SRPK2: variants seen among roughly 807,000 people sequenced by gnomAD.
SRPK2 encodes SRSF protein kinase 2.
SRPK2 carries 21 observed loss-of-function variants against 90.8 expected under a neutral mutation model. The ratio of observed to expected loss-of-function variants is 0.23; its 90% CI spans 0.16 to 0.33. The LOEUF (loss-of-function observed/expected upper bound fraction) is 0.33, where lower values mean the gene tolerates loss of function less well. SRPK2 is among the 10% of genes least tolerant of loss of function. The pLI is 1.00. For missense variants in SRPK2, 620 were observed against 869.0 expected (o/e 0.71, Z 3.60); for synonymous variants, 288 against 311.1 (o/e 0.93, Z 0.78).
At chr7:105,176,773 G>GTGTA (rs1563038363) in intron 3 of SRPK2, among the ~76,000 whole-genome samples, 1 of 80,114 alleles carries the variant, frequency 1.2e-5, no homozygotes, top group African/African-American at 4.2e-5. Flanking sequence ...GTGTGTGTGT[G>GTGTA]TATATATATA....
intron 2 of SRPK2, among the ~76,000 whole-genome samples, chr7:105,378,471 TG>T (rs996200654): frequency 8.6e-5 from 13 of 151,916 alleles, no homozygotes; most frequent in African/African-American, 3.1e-4. Flanking sequence ...AAGAAACATA[TG>T]AAAAGATGTT....
intron 6 of SRPK2, among the ~76,000 whole-genome samples, chr7:105,164,572 G>C (rs915717488): frequency 6.6e-6 from 1 of 152,200 alleles, no homozygotes; most frequent in Non-Finnish European, 1.5e-5. Flanking sequence ...CTAAATGGCT[G>C]ATATGATTGT....
At chr7:105,146,968 T>C (rs1804720458) in intron 7 of SRPK2, among the ~76,000 whole-genome samples, 1 of 152,196 alleles carries the variant, frequency 6.6e-6, no homozygotes, top group Non-Finnish European at 1.5e-5. Context: ...GTCTTCCACC[T>C]CTGCCACTCC....
At chr7:105,376,858 T>A (rs1585965437) in intron 2 of SRPK2, among the ~76,000 whole-genome samples, 4 of 91,332 alleles carry the variant, frequency 4.4e-5, no homozygotes, top group Admixed American at 2.7e-4. Context: ...CTTTTTTTTT[T>A]AATAAAAAGC....
intron 2 of SRPK2, among the ~76,000 whole-genome samples, chr7:105,272,247 TTGTATTCCCTATGGA>T (rs1230661673): frequency 6.6e-6 from 1 of 152,188 alleles, no homozygotes; most frequent in Admixed American, 6.5e-5. Context: ...TATTTAACAG[TTGTATTCCCTATGGA>T]TGTAATCTGA....
intron 11 of SRPK2, among the ~76,000 whole-genome samples, chr7:105,136,648 A>C (rs1176174133): frequency 1.3e-5 from 2 of 152,240 alleles, no homozygotes; most frequent in African/African-American, 4.8e-5. Flanking sequence ...ACAGTGCCTC[A>C]GCATAATGAG....
chr7:105,309,902 G>A (rs1811521700), intron 2 of SRPK2, among the ~76,000 whole-genome samples: 1 of 152,122 alleles, frequency 6.6e-6, no homozygotes, highest in African/African-American at 2.4e-5. Flanking sequence ...ATGTCCCTGA[G>A]GGGCTCATAA....
At chr7:105,248,671 T>C (rs568989476) in intron 2 of SRPK2, among the ~76,000 whole-genome samples, 1 of 152,108 alleles carries the variant, frequency 6.6e-6, no homozygotes, top group Non-Finnish European at 1.5e-5. Context: ...CCGGGCGCGA[T>C]GGCTCACGCC....
At chr7:105,148,236 C>T (rs1027864607) in intron 7 of SRPK2, among the ~76,000 whole-genome samples, 3 of 152,200 alleles carry the variant, frequency 2.0e-5, no homozygotes, top group African/African-American at 7.2e-5. Flanking sequence ...CTACATTTCC[C>T]TGATGGCTAA....
At chr7:105,119,559 T>G (rs1800031341) in intron 15 of SRPK2, among the ~76,000 whole-genome samples, 1 of 152,194 alleles carries the variant, frequency 6.6e-6, no homozygotes, top group African/African-American at 2.4e-5. Flanking sequence ...TAAGCTTCTG[T>G]TTCCAATATG....
chr7:105,271,048 A>T (rs535299114), intron 2 of SRPK2, among the ~76,000 whole-genome samples: 1 of 152,258 alleles, frequency 6.6e-6, no homozygotes, highest in African/African-American at 2.4e-5. Flanking sequence ...TGTAGGTGGG[A>T]ACTTAACTTT....
At chr7:105,241,914 G>A (rs184563037) in intron 2 of SRPK2, among the ~76,000 whole-genome samples, 167 of 151,996 alleles carry the variant, frequency 1.1e-3, no homozygotes, top group Non-Finnish European at 2.2e-3. Flanking sequence ...AAAGTAGGAG[G>A]AAATGTTCCC....
intron 7 of SRPK2, among the ~76,000 whole-genome samples, chr7:105,153,343 C>T (rs930719604): frequency 6.6e-6 from 1 of 152,044 alleles, no homozygotes; most frequent in Non-Finnish European, 1.5e-5. Context: ...TTCCTTGAAC[C>T]TCAAATTCAT....
chr7:105,305,564 T>C (rs1811056368), intron 2 of SRPK2, among the ~76,000 whole-genome samples: 1 of 152,134 alleles, frequency 6.6e-6, no homozygotes, highest in African/African-American at 2.4e-5. Flanking sequence ...TCTTCATTCC[T>C]GTGTTACTTT....
chr7:105,395,227 C>T (rs946303088), intron 1 of SRPK2, among the ~76,000 whole-genome samples: 5 of 151,960 alleles, frequency 3.3e-5, no homozygotes, highest in African/African-American at 1.2e-4. Context: ...GAGTGGTTCA[C>T]ACCTGTAACT....
At chr7:105,204,049 C>T (rs1179428873) in intron 2 of SRPK2, among the ~76,000 whole-genome samples, 1 of 151,858 alleles carries the variant, frequency 6.6e-6, no homozygotes, top group Non-Finnish European at 1.5e-5. Flanking sequence ...TCAAGAACTA[C>T]CAATGTTAGG....
chr7:105,346,537 C>T (rs983343182), intron 2 of SRPK2, among the ~76,000 whole-genome samples: 9 of 152,114 alleles, frequency 5.9e-5, no homozygotes, highest in African/African-American at 1.9e-4. Context: ...GGGCGGATCA[C>T]GAGGTCAGGA....
intron 2 of SRPK2, among the ~76,000 whole-genome samples, chr7:105,286,803 T>C (rs1585539319): frequency 6.6e-6 from 1 of 152,240 alleles, no homozygotes; most frequent in African/African-American, 2.4e-5. Context: ...GCTGGCTATG[T>C]ATGCTCCAGC....
intron 7 of SRPK2, among the ~76,000 whole-genome samples, chr7:105,154,532 C>T (rs1192425598): frequency 6.6e-6 from 1 of 152,070 alleles, no homozygotes; most frequent in Non-Finnish European, 1.5e-5. Context: ...GCCAATGATA[C>T]AGGTGAGAGG....
Sources: allele counts gnomAD v4.1 joint callset (sites outside exome capture counted in the v4.1 genomes callset), GRCh38; gene constraint gnomAD v4.1.1; transcripts MANE v1.5; gene names NCBI Gene and HGNC (gene_info 2026-07-23, HGNC 2026-07-21).